GABRB2: variants seen among roughly 807,000 people sequenced by gnomAD.
GABRB2 encodes gamma-aminobutyric acid receptor subunit beta-2.
In GABRB2, 16 loss-of-function variants were observed where a neutral mutation model predicts 54.7. That is an observed-to-expected ratio of 0.29 (90% CI 0.20 to 0.44). GABRB2 has a LOEUF of 0.44. Ranked by LOEUF, GABRB2 falls within the 20% of genes least tolerant of loss-of-function variation. GABRB2 has a pLI of 1.00. For missense variants in GABRB2, 355 were observed against 644.0 expected (o/e 0.55, Z 4.86); for synonymous variants, 244 against 233.8 (o/e 1.04, Z -0.40).
At chr5:161,453,862 C>T (rs1244440786) in intron 4 of GABRB2, among the ~76,000 whole-genome samples, 1 of 151,804 alleles carries the variant, frequency 6.6e-6, no homozygotes, top group Non-Finnish European at 1.5e-5. Context: ...CATGTTGAAA[C>T]CCTGTCTCTA....
chr5:161,391,328 C>G (rs995796892), intron 5 of GABRB2, among the ~76,000 whole-genome samples: 3 of 152,088 alleles, frequency 2.0e-5, no homozygotes, highest in Admixed American at 6.6e-5. Context: ...ACTATGTCCC[C>G]CTCTTTTTTT....
chr5:161,483,067 T>C (rs776365799), intron 3 of GABRB2, among the ~76,000 whole-genome samples: 98 of 152,162 alleles, frequency 6.4e-4, no homozygotes, highest in Non-Finnish European at 1.3e-3. Context: ...TGGCTACCAA[T>C]AAGTCCTACA....
At chr5:161,417,606 C>T (rs912827311) in intron 4 of GABRB2, among the ~76,000 whole-genome samples, 1 of 152,196 alleles carries the variant, frequency 6.6e-6, no homozygotes, top group Non-Finnish European at 1.5e-5. Context: ...CATGAAAATA[C>T]ATTACATGTT....
At chr5:161,478,269 G>A (rs1758654582) in intron 3 of GABRB2, among the ~76,000 whole-genome samples, 1 of 151,968 alleles carries the variant, frequency 6.6e-6, no homozygotes, top group Non-Finnish European at 1.5e-5. Context: ...TTGTATTTAT[G>A]AGTCTCTGAC....
chr5:161,450,417 G>A (rs565397601), intron 4 of GABRB2, among the ~76,000 whole-genome samples: 2 of 152,234 alleles, frequency 1.3e-5, no homozygotes, highest in Admixed American at 1.3e-4. Flanking sequence ...GCAACAAAAT[G>A]AGCCCTGGAT....
chr5:161,425,001 G>A (rs1029011876), intron 4 of GABRB2, among the ~76,000 whole-genome samples: 1 of 152,152 alleles, frequency 6.6e-6, no homozygotes, highest in East Asian at 1.9e-4. Flanking sequence ...GAAATAGTAA[G>A]AGAGCTAGTA....
At chr5:161,327,041 GACACACACACACAC>G in intron 8 of GABRB2, 207 of 494,494 alleles carry the variant, frequency 4.2e-4, no homozygotes, top group Middle Eastern at 1.0e-3. Flanking sequence ...ATTCCATTAG[GACACACACACACAC>G]ACACACACAC....
chr5:161,310,146 A>T (rs935295222), intron 9 of GABRB2, among the ~76,000 whole-genome samples: 3 of 152,112 alleles, frequency 2.0e-5, no homozygotes, highest in Non-Finnish European at 4.4e-5. Flanking sequence ...GGAACAACAC[A>T]CACTAGGGCC....
At chr5:161,486,511 T>C (rs775273790) in intron 3 of GABRB2, among the ~76,000 whole-genome samples, 2 of 151,926 alleles carry the variant, frequency 1.3e-5, no homozygotes, top group Non-Finnish European at 2.9e-5. Flanking sequence ...TCTGATCCCG[T>C]CTATGATATG....
At chr5:161,363,282 A>G (rs1046131738) in intron 5 of GABRB2, among the ~76,000 whole-genome samples, 1 of 152,210 alleles carries the variant, frequency 6.6e-6, no homozygotes, top group Non-Finnish European at 1.5e-5. Flanking sequence ...ACAAGAACAG[A>G]AAACCAAACA....
intron 5 of GABRB2, among the ~76,000 whole-genome samples, chr5:161,405,393 T>C (rs2113095945): frequency 6.6e-6 from 1 of 152,192 alleles, no homozygotes; most frequent in Middle Eastern, 3.4e-3. Context: ...TATGGAAATA[T>C]CAGTACCAAG....
At chr5:161,473,593 A>G (rs1403625147) in intron 3 of GABRB2, among the ~76,000 whole-genome samples, 1 of 152,026 alleles carries the variant, frequency 6.6e-6, no homozygotes, top group East Asian at 1.9e-4. Flanking sequence ...TCACTTAAAA[A>G]TTAAATTGAA....
chr5:161,327,678 T>C (rs1021871128), intron 8 of GABRB2, among the ~76,000 whole-genome samples: 1 of 152,092 alleles, frequency 6.6e-6, no homozygotes, highest in Non-Finnish European at 1.5e-5. Flanking sequence ...GGCTTCCCGT[T>C]TTCAACCCTC....
intron 3 of GABRB2, among the ~76,000 whole-genome samples, chr5:161,492,615 T>G (rs2113356197): frequency 6.6e-6 from 1 of 151,668 alleles, no homozygotes; most frequent in East Asian, 1.9e-4. Flanking sequence ...CACAGATGTA[T>G]GTTAGTTGTA....
intron 9 of GABRB2, among the ~76,000 whole-genome samples, chr5:161,305,162 G>GCC (rs1757652790): frequency 6.6e-6 from 1 of 151,078 alleles, no homozygotes; most frequent in African/African-American, 2.4e-5. Context: ...GACTACAGGC[G>GCC]CCCGCCACCG....
intron 3 of GABRB2, among the ~76,000 whole-genome samples, chr5:161,539,075 C>G (rs1190013776): frequency 2.6e-5 from 4 of 152,190 alleles, no homozygotes; most frequent in African/African-American, 9.7e-5. Flanking sequence ...TACTAGAACT[C>G]TTTCCTCAAA....
intron 3 of GABRB2, among the ~76,000 whole-genome samples, chr5:161,527,403 G>T (rs1037985476): frequency 6.6e-6 from 1 of 151,290 alleles, no homozygotes; most frequent in Non-Finnish European, 1.5e-5. Flanking sequence ...AATAATATCT[G>T]AATATTTATT....
rs552855280 is a variant in GABRB2, at chr5:161,455,754, A to C, written c.458+3870T>G. Reference sequence around the variant, plus strand: ...TGCTATTTTGCCCAGGCTGGTCCTGAACTCCTGAGGTCAAGCAATCTGCCC... The same window carrying C: ...TGCTATTTTGCCCAGGCTGGTCCTGCACTCCTGAGGTCAAGCAATCTGCCC... On this transcript the variant is annotated intron_variant, in intron 4 of 9. Coordinates refer to ENST00000393959, the MANE Select transcript of GABRB2 (RefSeq NM_001371727.1). 1.2e-3 allele frequency among the ~76,000 whole-genome samples: 182 copies of C among 151,970 alleles called. 1 individual carries two copies. Among genetic ancestry groups the C allele is most frequent in the Non-Finnish European group, 1.9e-3 (129 of 67,962 alleles).
intron 5 of GABRB2, among the ~76,000 whole-genome samples, chr5:161,344,507 C>T (rs1288454370): frequency 6.6e-6 from 1 of 151,702 alleles, no homozygotes; most frequent in Non-Finnish European, 1.5e-5. Flanking sequence ...TATGCTGGTA[C>T]TATTTGTTTT....
Sources: allele counts gnomAD v4.1 joint callset (sites outside exome capture counted in the v4.1 genomes callset), GRCh38; gene constraint gnomAD v4.1.1; transcripts MANE v1.5; gene names NCBI Gene and HGNC (gene_info 2026-07-23, HGNC 2026-07-21).